Variants in USH2A observed in about 807,000 individuals in gnomAD.
The protein encoded by USH2A is usherin.
Under a neutral mutation model 538.9 loss-of-function variants are expected in USH2A, and 443 were observed. The ratio of observed to expected loss-of-function variants is 0.82; its 90% CI spans 0.76 to 0.89. The LOEUF is 0.89. Among genes scored for constraint, USH2A ranks in the 40% least tolerant of loss-of-function variants. The pLI is 0.00. For missense variants in USH2A, 6,633 were observed against 6,324.8 expected, an observed-to-expected ratio of 1.05 and a Z score of -1.65; for synonymous variants, 2,413 against 2,273.5, an observed-to-expected ratio of 1.06 and a Z score of -1.75.
chr1:215,725,773 G>C (rs906808055), intron 61 of USH2A, among the ~76,000 whole-genome samples: 3 of 152,300 alleles, frequency 2.0e-5, no homozygotes, highest in African/African-American at 7.2e-5. Flanking sequence ...CCACATCAGG[G>C]AGGGCCCATG....
chr1:215,965,534 G>A (rs1287717656), intron 36 of USH2A, 55 bp from the exon 37 acceptor site: 34 of 1,589,888 alleles, frequency 2.1e-5, no homozygotes, highest in African/African-American at 1.1e-4. Context: ...TACATGCTTC[G>A]CTTTGAGCAT....
chr1:215,872,007 T>C (rs779811796), intron 43 of USH2A, among the ~76,000 whole-genome samples: 15 of 152,236 alleles, frequency 9.9e-5, no homozygotes, highest in Non-Finnish European at 1.9e-4. Flanking sequence ...ACTTTATTGA[T>C]GTCCTAACAG....
At chr1:215,641,258 C>T (rs1436736064) in intron 67 of USH2A, among the ~76,000 whole-genome samples, 1 of 152,112 alleles carries the variant, frequency 6.6e-6, no homozygotes, top group Non-Finnish European at 1.5e-5. Context: ...CCTTTTGGCA[C>T]CCATTTATTG....
intron 27 of USH2A, among the ~76,000 whole-genome samples, chr1:216,075,679 G>C (rs928849674): frequency 1.2e-4 from 18 of 152,132 alleles, no homozygotes; most frequent in Non-Finnish European, 2.4e-4. Flanking sequence ...CCACATGCCA[G>C]ACCCAGTCAT....
At chr1:215,676,990 T>C (rs76080213) in intron 62 of USH2A, among the ~76,000 whole-genome samples, 2,493 of 152,326 alleles carry the variant, frequency 0.016, 73 homozygotes, top group African/African-American at 0.057. Flanking sequence ...ATGCTTTTGC[T>C]CTGTCATTTT....
At chr1:215,653,577 T>C (rs375766494) in intron 64 of USH2A, among the ~76,000 whole-genome samples, 10 of 152,300 alleles carry the variant, frequency 6.6e-5, no homozygotes, top group Admixed American at 3.3e-4. Context: ...ACAAAACTTG[T>C]ATGATGAGGC....
At chr1:216,134,196 C>T (rs2033434251) in intron 21 of USH2A, among the ~76,000 whole-genome samples, 1 of 151,900 alleles carries the variant, frequency 6.6e-6, no homozygotes, top group African/African-American at 2.4e-5. Context: ...ATTTCCAAAC[C>T]AGAGGAAAGC....
chr1:216,385,015 AT>A (rs1355574988), intron 3 of USH2A, among the ~76,000 whole-genome samples: 1 of 152,104 alleles, frequency 6.6e-6, no homozygotes, highest in Non-Finnish European at 1.5e-5. Flanking sequence ...CAGAGGTGAA[AT>A]TTTTCATTGT....
At position 216,273,353 on chromosome 1, in the gene USH2A, A is replaced by AG. The variant is rs568451120; in HGVS notation, c.1971+15926dup. 6.6e-4 allele frequency among the ~76,000 whole-genome samples: 101 copies of AG among 152,178 alleles called. 2 individuals carry two copies. Among genetic ancestry groups the AG allele is most frequent in the African/African-American group, 2.4e-3 (99 of 41,550 alleles). ...CACGGACTCTCAAAACTCACTGACC[A>AG]GGGCACACTTCCACGGCAAGGCCCC... On this transcript the variant is annotated intron_variant, in intron 11 of 71. Transcript: ENST00000307340.
At chr1:215,767,057 C>G (rs944573968) in intron 55 of USH2A, among the ~76,000 whole-genome samples, 1 of 152,154 alleles carries the variant, frequency 6.6e-6, no homozygotes, top group Non-Finnish European at 1.5e-5. Context: ...ATTCCCTATA[C>G]AAGATGTCAT....
intron 21 of USH2A, among the ~76,000 whole-genome samples, chr1:216,154,607 C>G (rs539559402): frequency 1.3e-5 from 2 of 152,164 alleles, no homozygotes; most frequent in African/African-American, 4.8e-5. Flanking sequence ...GATGTACACA[C>G]TTGTAAAACC....
chr1:215,765,829 G>A (rs1348537661), intron 56 of USH2A, among the ~76,000 whole-genome samples: 1 of 152,014 alleles, frequency 6.6e-6, no homozygotes, highest in Non-Finnish European at 1.5e-5. Context: ...TTATACTGGT[G>A]CATGGAATTC....
At chr1:216,195,621 A>C (rs2034823840) in intron 19 of USH2A, 1 of 152,306 alleles carries the variant, frequency 6.6e-6, no homozygotes, top group African/African-American at 2.4e-5. Flanking sequence ...ATATTGGCCA[A>C]GGGCATGAAA....
At chr1:215,672,744 C>T (rs2797233) in intron 63 of USH2A, among the ~76,000 whole-genome samples, 6 of 152,008 alleles carry the variant, frequency 3.9e-5, no homozygotes, top group South Asian at 2.1e-4. Flanking sequence ...CAAAAAACCA[C>T]GCATGAACTC....
Position 215,900,032 on chromosome 1 carries a change from C to T in USH2A, c.7594+43G>A, listed in dbSNP as rs749297848. 6.9e-5 allele frequency: 111 copies of T among 1,612,964 alleles called. 7 individuals carry two copies. In the South Asian group the frequency reaches 1.2e-3, roughly 18 times the overall value. On this transcript the variant is annotated intron_variant, in intron 40 of 71. Coordinates refer to ENST00000307340, the MANE Select transcript of USH2A (RefSeq NM_206933.4). The stretch of plus-strand genomic sequence containing the variant: ...AAAAATTGAAGACATTTTAAGCTCC[C>T]TATGTAGAAGACATTTGGCTGTGTA...
intron 9 of USH2A, among the ~76,000 whole-genome samples, chr1:216,297,508 T>C (rs975047742): frequency 1.1e-4 from 16 of 152,012 alleles, no homozygotes; most frequent in Admixed American, 8.5e-4. Flanking sequence ...CTGGAAGTTA[T>C]TACATGCTCA....
intron 55 of USH2A, among the ~76,000 whole-genome samples, chr1:215,773,524 C>CTCTCTCTCTCTCTCTGTCTT (rs1558091711): frequency 1.5e-4 from 22 of 148,948 alleles, no homozygotes; most frequent in African/African-American, 5.1e-4. Context: ...CTCTCTCTCT[C>CTCTCTCTCTCTCTCTGTCTT]TCTCTCTCTG....
intron 47 of USH2A, among the ~76,000 whole-genome samples, chr1:215,818,150 A>G (rs1282382393): frequency 6.6e-6 from 1 of 151,940 alleles, no homozygotes; most frequent in East Asian, 1.9e-4. Context: ...CTTCTGGTCA[A>G]CAGTAGGCTA....
chr1:215,731,866 C>T (rs1386609845), intron 60 of USH2A, among the ~76,000 whole-genome samples: 20 of 152,178 alleles, frequency 1.3e-4, no homozygotes, highest in Non-Finnish European at 8.8e-5. Context: ...TCAGAAACAT[C>T]TGTAGTCAGA....
Sources: allele counts gnomAD v4.1 joint callset (sites outside exome capture counted in the v4.1 genomes callset), GRCh38; gene constraint gnomAD v4.1.1; transcripts MANE v1.5; gene names NCBI Gene and HGNC (gene_info 2026-07-23, HGNC 2026-07-21).